The following CARD14 variants were observed in gnomAD, a reference collection of about 807,000 sequenced individuals.
CARD14 encodes caspase recruitment domain family member 14.
A neutral mutation model predicts 111.5 loss-of-function variants in CARD14; 107 were observed. The observed-to-expected ratio is 0.96, with a 90% CI of 0.82 to 1.13. The LOEUF is 1.13. Ranked by LOEUF, CARD14 falls within the 50% of genes most tolerant of loss-of-function variation. The probability of loss-of-function intolerance (pLI) is 0.00; values close to 1 mark genes in which losing one functional copy is unlikely to be tolerated. For missense variants in CARD14, 1,322 were observed against 1,362.3 expected (o/e 0.97, Z 0.47); for synonymous variants, 617 against 579.6 (o/e 1.06, Z -0.93).
intron 2 of CARD14, among the ~76,000 whole-genome samples, chr17:80,174,534 A>G (rs765202735): frequency 5.3e-5 from 8 of 152,184 alleles, no homozygotes; most frequent in Non-Finnish European, 7.3e-5. Flanking sequence ...TAGATAGCAC[A>G]GGGTCATGGA....
chr17:80,197,151 C>G (rs1187793198), intron 14 of CARD14: 3 of 152,298 alleles, frequency 2.0e-5, no homozygotes. Context: ...GAGCCAAGAT[C>G]GCACCACTGC....
At chr17:80,171,395 T>C (rs1208532412) in intron 1 of CARD14, among the ~76,000 whole-genome samples, 4 of 151,186 alleles carry the variant, frequency 2.6e-5, no homozygotes, top group Admixed American at 6.6e-5. Context: ...CATAGCTCAC[T>C]GCAGCCTTGA....
rs1339417355 is a variant in CARD14 at position 80,191,581 on chromosome 17, G to C, written c.1239+109G>C. On this transcript the variant is annotated intron_variant, in intron 11 of 23. Coordinates refer to ENST00000648509, the MANE Select transcript of CARD14 (RefSeq NM_001366385.1). ...ATGGAGGCACTGGGAGGACAGGCAGGGTCCCAGGCTGGGCCACACGCGGCA... is the reference window on the plus strand; with the variant it reads ...ATGGAGGCACTGGGAGGACAGGCAGCGTCCCAGGCTGGGCCACACGCGGCA... 5 of 1,416,662 alleles carry C rather than the reference G, an allele frequency of 3.5e-6. No homozygotes were observed. In the Admixed American group the frequency reaches 9.8e-5, roughly 28 times the overall value. The allele number at this position is 1,416,662 out of a possible 1,614,324, so 87.8% of individuals were successfully genotyped here.
chr17:80,184,257 C>T lies in CARD14; in HGVS notation c.675+19C>T, dbSNP rs1461779522. The T allele has an allele frequency of 2.7e-6, 4 of 1,490,334 alleles. No individual in the cohort carries two copies. The highest frequency in any genetic ancestry group is 2.7e-6 in the Non-Finnish European group (3 of 1,114,380). The allele number at this position is 1,490,334 out of a possible 1,614,324, so 92.3% of individuals were successfully genotyped here. ...GGAGGAGGTAGGGGGACACCCTGCACCCCGGCGCGACCCTGCTGTCGTCTG... is the reference window on the plus strand; with the variant it reads ...GGAGGAGGTAGGGGGACACCCTGCATCCCGGCGCGACCCTGCTGTCGTCTG... On this transcript the variant is annotated intron_variant, in intron 7 of 23. Coordinates refer to ENST00000648509, the MANE Select transcript of CARD14 (RefSeq NM_001366385.1).
intron 23 of CARD14, among the ~76,000 whole-genome samples, 189 bp downstream of exon 23, chr17:80,207,274 G>C (rs1046178002): frequency 6.6e-6 from 1 of 152,206 alleles, no homozygotes; most frequent in African/African-American, 2.4e-5. Context: ...ATTTTGGCCG[G>C]GCGTGGTGGC....
At chr17:80,185,259 C>T (rs1567874132) in intron 7 of CARD14, among the ~76,000 whole-genome samples, 1 of 151,950 alleles carries the variant, frequency 6.6e-6, no homozygotes, top group Non-Finnish European at 1.5e-5. Context: ...ATTATGTTGC[C>T]CAGGCTGGTC....
intron 12 of CARD14, 90 bp downstream of exon 12, chr17:80,192,709 C>A (rs1409197759): frequency 1.2e-6 from 1 of 824,332 alleles, no homozygotes; most frequent in Non-Finnish European, 2.0e-6. Context: ...AGCCTCCTTC[C>A]ACCCTGTCCC....
rs191315078 is a variant in CARD14, at chr17:80,201,498, C to T, written c.1852-246C>T. 1.8e-4 allele frequency: 95 copies of T among 527,968 alleles called. No homozygotes were observed. The Admixed American group carries it at 1.8e-3, about 10-fold the overall frequency. 32.7% of individuals were successfully genotyped at this position (527,968 alleles called of 1,614,324 possible). ...GAAAGTGCTTATCACAAAGAACCCC[C>T]GATCTCGACTGGGGAAGGGTTGGCA... On this transcript the variant is annotated intron_variant, in intron 16 of 23. Coordinates refer to ENST00000648509, the MANE Select transcript of CARD14 (RefSeq NM_001366385.1). This position sits in a 1 kb window ranked among gnomAD's most constrained non-coding sequence, Gnocchi z 5.0.
Position 80,189,878 on chromosome 17 carries a change from G to T in CARD14, c.963+6G>T, listed in dbSNP as rs376630011. The T allele has an allele frequency of 1.6e-5, 26 of 1,593,144 alleles. No homozygotes were observed. The highest frequency in any genetic ancestry group is 2.0e-5 in the Non-Finnish European group (23 of 1,172,130). ...CCGAGAGGCAGCGAGAGCAGGTGCC[G>T]TGTGAGCCCTTCCTCCCTTGTGACT... is the stretch of plus-strand genomic sequence containing the variant. On this transcript the variant is annotated splice_donor_region_variant and intron_variant, in intron 9 of 23. Transcript: ENST00000648509. The surrounding 1 kb of genome is among the most constrained non-coding windows in gnomAD (Gnocchi z 4.7).
At chr17:80,192,476 C>G (rs1288286991) in intron 11 of CARD14, 27 bp from the exon 12 acceptor site, 1 of 1,585,652 alleles carries the variant, frequency 6.3e-7, no homozygotes, top group South Asian at 1.1e-5. Context: ...CCCGAATTAA[C>G]CAGCCTGTCT....
rs749459233 is a variant in CARD14, at chr17:80,205,194, A to G, written c.2558A>G (p.Lys853Arg). The G allele has an allele frequency of 2.5e-6, 4 of 1,612,166 alleles. No homozygotes were observed. The highest frequency in any genetic ancestry group is 1.7e-5 in the Admixed American group (1 of 59,820). Residue 853 changes from lysine to arginine, a missense_variant, in exon 21 of 24, where the codon AAG becomes AGG. Lys to Arg is a conservative substitution (Grantham distance 26). Transcript: ENST00000648509. ...CTGTGCCTCCTCCAAGGGTTTAAGA[A>G]GTGCCTGGCAGGTATGCTGTTGCCT... Reference protein sequence around the residue: ...EKLCLLQGFKKCLAEYLSQEE... With the variant: ...EKLCLLQGFKRCLAEYLSQEE...
At chr17:80,170,359 G>A (rs1397021783) in intron 1 of CARD14, 3 of 152,164 alleles carry the variant, frequency 2.0e-5, no homozygotes, top group African/African-American at 7.2e-5. Flanking sequence ...TCATCTCTTC[G>A]CTATTGCCGT....
Position 80,202,305 on chromosome 17 carries a change from G to GTCCTGCACGTCACCGACACCATGT in CARD14, c.2108_2131dup (p.Leu703_Phe710dup). 1 of 1,613,754 alleles carries GTCCTGCACGTCACCGACACCATGT rather than the reference G, an allele frequency of 6.2e-7. No homozygotes were observed. Among genetic ancestry groups the GTCCTGCACGTCACCGACACCATGT allele is most frequent in the African/African-American group, 1.3e-5 (1 of 75,046 alleles). On this transcript the variant is annotated inframe_insertion, in exon 18 of 24. Coordinates refer to ENST00000648509, the MANE Select transcript of CARD14 (RefSeq NM_001366385.1). ...GGAGCTGCAGGTGCATTGCAACGAG[G>GTCCTGCACGTCACCGACACCATGT]TCCTGCACGTCACCGACACCATGTT... is the stretch of plus-strand genomic sequence containing the variant.
In CARD14 at chr17:80,189,470, G is replaced by A. The variant is rs796402984; in HGVS notation, c.844-283G>A. On this transcript the variant is annotated intron_variant, in intron 8 of 23. Coordinates refer to ENST00000648509, the MANE Select transcript of CARD14 (RefSeq NM_001366385.1). The surrounding 1 kb of genome is among the most constrained non-coding windows in gnomAD (Gnocchi z 4.7). ...GTTTCTCCCTCGCTGTGAAACTGCCGGTAGATCTGTTGAAGGAGAAGGCTG... is the reference window on the plus strand; with the variant it reads ...GTTTCTCCCTCGCTGTGAAACTGCCAGTAGATCTGTTGAAGGAGAAGGCTG... Among the ~76,000 whole-genome samples, 9 of 152,166 alleles carry A rather than the reference G, an allele frequency of 5.9e-5. No individual in the cohort carries two copies. The South Asian group carries it at 6.2e-4, about 11-fold the overall frequency.
Position 80,208,426 on chromosome 17 carries a change from G to T in CARD14, c.*81G>T. 7.6e-7 allele frequency: 1 copy of T among 1,318,474 alleles called. No homozygotes were observed. Among genetic ancestry groups the T allele is most frequent in the African/African-American group, 1.5e-5 (1 of 68,756 alleles). 81.7% of individuals were successfully genotyped at this position (1,318,474 alleles called of 1,614,324 possible). On this transcript the variant is annotated 3_prime_UTR_variant, in exon 24 of 24. Transcript: ENST00000648509. ...CCTGTTCCTCAGCCCAGGCCCTCTT[G>T]GCACAGCTGTGGGCTCCTTGGCACA...
Position 80,191,455 on chromosome 17 carries a change from G to A in CARD14, c.1222G>A (p.Ala408Thr), listed in dbSNP as rs747156081. Residue 408 changes from alanine to threonine, a missense_variant, in exon 11 of 24, where the codon GCA becomes ACA. Ala to Thr is a moderately conservative substitution (Grantham distance 58). Transcript: ENST00000648509. ...ELRTQLRQLQ[A>T]EPPGVLKQEA... ...GCGCACACAGCTTCGCCAGCTGCAG[G>A]CAGAGCCTCCGGGTGTGGTGAGTGT... 58 of 1,612,820 alleles carry A rather than the reference G, an allele frequency of 3.6e-5. No homozygotes were observed. Among genetic ancestry groups the A allele is most frequent in the Non-Finnish European group, 4.9e-5 (58 of 1,179,456 alleles).
At position 80,204,315 on chromosome 17, in the gene CARD14, G is replaced by A. The variant is rs1217182656; in HGVS notation, c.2372G>A (p.Gly791Asp). 3.8e-6 allele frequency: 6 copies of A among 1,589,406 alleles called. No individual in the cohort carries two copies. The highest frequency in any genetic ancestry group is 5.2e-6 in the Non-Finnish European group (6 of 1,163,724). Residue 791 changes from glycine to aspartate, a missense_variant, in exon 20 of 24, where the codon GGC becomes GAC. Physicochemically the swap from Gly to Asp is moderately conservative, Grantham distance 94. Coordinates refer to ENST00000648509, the MANE Select transcript of CARD14 (RefSeq NM_001366385.1). ...CCTCTGCGTTTGTCCTTTGACAGGG[G>A]CCAGTTGGACCCCAGCAGGATGGAG... Reference protein sequence around the residue: ...ASPLRLSFDRGQLDPSRMEGS... With the variant: ...ASPLRLSFDRDQLDPSRMEGS...
chr17:80,199,006 C>T (rs915432377), intron 16 of CARD14: 21 of 818,214 alleles, frequency 2.6e-5, no homozygotes, highest in Admixed American at 2.2e-4. Flanking sequence ...TAGAGTGCTG[C>T]GGTGCGATCA....
Position 80,198,347 on chromosome 17 carries a change from C to A in CARD14, c.1659-52C>A. ...GGGAAGCAATGGGGAGGTGGCCTTG[C>A]CGGCTCTCCTGCTCTGGGCAGTGCA... On this transcript the variant is annotated intron_variant, in intron 15 of 23. Coordinates refer to ENST00000648509, the MANE Select transcript of CARD14 (RefSeq NM_001366385.1). The surrounding 1 kb of genome is among the most constrained non-coding windows in gnomAD (Gnocchi z 7.5). 1 of 1,561,684 alleles carries A rather than the reference C, an allele frequency of 6.4e-7. No homozygotes were observed.
Sources: allele counts gnomAD v4.1 joint callset (sites outside exome capture counted in the v4.1 genomes callset), GRCh38; gene constraint gnomAD v4.1.1; non-coding constraint Gnocchi (gnomAD v3.1); transcripts MANE v1.5; gene names NCBI Gene and HGNC (gene_info 2026-07-23, HGNC 2026-07-21).